The following PCDHGA2 variants were observed in gnomAD, a reference collection of about 807,000 sequenced individuals.
PCDHGA2 encodes the protein protocadherin gamma-A2.
In PCDHGA2, 40 loss-of-function variants were observed where a neutral mutation model predicts 59.2. The observed-to-expected ratio is 0.68, with a 90% CI of 0.52 to 0.88. The LOEUF is 0.88. Among genes scored for constraint, PCDHGA2 ranks in the 40% least tolerant of loss-of-function variants. The probability of loss-of-function intolerance (pLI) is 0.00; values close to 1 mark genes in which losing one functional copy is unlikely to be tolerated. For synonymous variants in PCDHGA2, 560 were observed against 526.0 expected (o/e 1.06, Z -0.89); for missense variants, 1,226 against 1,204.0 (o/e 1.02, Z -0.27).
At chr5:141,427,400 A>T in intron 1 of PCDHGA2, 1 of 461,200 alleles carries the variant, frequency 2.2e-6, no homozygotes, top group Non-Finnish European at 4.3e-6. Context: ...CACATGATAA[A>T]GATTCGAGAG....
chr5:141,509,699 C>T (rs779592471), intron 3 of PCDHGA2, among the ~76,000 whole-genome samples: 4 of 152,168 alleles, frequency 2.6e-5, no homozygotes, highest in Non-Finnish European at 5.9e-5. Flanking sequence ...GGACGTTGGA[C>T]TGGAGGTGCT....
chr5:141,456,641 G>A (rs2098873674), intron 1 of PCDHGA2, among the ~76,000 whole-genome samples: 1 of 152,160 alleles, frequency 6.6e-6, no homozygotes, highest in South Asian at 2.1e-4. Context: ...TACTACAGGT[G>A]TTAATCCCAA....
intron 1 of PCDHGA2, chr5:141,391,245 G>A (rs1324945676): frequency 6.6e-6 from 1 of 151,892 alleles, no homozygotes; most frequent in African/African-American, 2.4e-5. Flanking sequence ...GTATATCTAA[G>A]CAACTGCTTC....
Position 141,477,203 on chromosome 5 carries a change from G to A in PCDHGA2, c.2425-17604G>A. The A allele has an allele frequency of 6.2e-7, 1 of 1,614,176 alleles. No individual in the cohort carries two copies. The highest frequency in any genetic ancestry group is 8.5e-7 in the Non-Finnish European group (1 of 1,180,050). ...CACCTCCGTGTACAGCCCAGTACCC[G>A]AGGATGCCCCTCTGGGGACTGTCAT... On this transcript the variant is annotated intron_variant, in intron 1 of 3. Coordinates refer to ENST00000394576, the MANE Select transcript of PCDHGA2 (RefSeq NM_018915.4). This position sits in a 1 kb window ranked among gnomAD's most constrained non-coding sequence, Gnocchi z 4.9.
intron 1 of PCDHGA2, chr5:141,374,142 TG>T (rs1770186580): frequency 6.2e-7 from 1 of 1,610,196 alleles, no homozygotes; most frequent in Non-Finnish European, 8.5e-7. Flanking sequence ...CTCACGCTCC[TG>T]GGGACGCTGT....
At chr5:141,467,055 C>CTTTTTTTTTTTT (rs1193465269) in intron 1 of PCDHGA2, among the ~76,000 whole-genome samples, 1 of 134,498 alleles carries the variant, frequency 7.4e-6, no homozygotes. Context: ...TCAATGTTTT[C>CTTTTTTTTTTTT]TTTTTTTTTT....
At chr5:141,366,097 C>G in intron 1 of PCDHGA2, 2 of 1,614,240 alleles carry the variant, frequency 1.2e-6, no homozygotes, top group African/African-American at 1.3e-5. Flanking sequence ...ACCTGGTGAC[C>G]AAGGTGGTAG....
chr5:141,401,587 T>C (rs1455949609), intron 1 of PCDHGA2, among the ~76,000 whole-genome samples: 3 of 152,226 alleles, frequency 2.0e-5, no homozygotes, highest in Non-Finnish European at 2.9e-5. Context: ...TCCTGACATA[T>C]TCTTGAAGAA....
At position 141,490,502 on chromosome 5, in the gene PCDHGA2, T is replaced by C. The variant is rs1408615048; in HGVS notation, c.2425-4305T>C. On this transcript the variant is annotated intron_variant, in intron 1 of 3. Transcript: ENST00000394576. The surrounding 1 kb of genome is among the most constrained non-coding windows in gnomAD (Gnocchi z 5.4). Reference sequence around the variant, plus strand: ...GACCGGGAGGCCACATCCCACTATATCATCGAGCTGCTGGCCAGCGATGCT... The same window carrying C: ...GACCGGGAGGCCACATCCCACTATACCATCGAGCTGCTGGCCAGCGATGCT... 1.2e-6 allele frequency: 2 copies of C among 1,614,094 alleles called. No individual in the cohort carries two copies. The highest frequency in any genetic ancestry group is 1.1e-5 in the South Asian group (1 of 91,076).
intron 1 of PCDHGA2, chr5:141,378,812 C>A (rs1775174310): frequency 6.6e-6 from 1 of 152,148 alleles, no homozygotes; most frequent in Admixed American, 6.5e-5. Flanking sequence ...CAAACAGAAT[C>A]ATTGTTTCAT....
chr5:141,478,418 C>T, intron 1 of PCDHGA2: 1 of 1,613,650 alleles, frequency 6.2e-7, no homozygotes, highest in Non-Finnish European at 8.5e-7. Context: ...GGACTCCCGC[C>T]GCAGCGACCC....
At position 141,389,566 on chromosome 5, in the gene PCDHGA2, T is replaced by A. The variant is rs757362223; in HGVS notation, c.2424+48171T>A. On this transcript the variant is annotated intron_variant, in intron 1 of 3. Transcript: ENST00000394576. ...CGCAACGACAATGCGCCACGGGTGC[T>A]GTACCCCGCGCTGGGTCCCGACGGC... The A allele has an allele frequency of 3.2e-5, 52 of 1,613,278 alleles. No homozygotes were observed. The Middle Eastern group carries it at 6.6e-4, about 21-fold the overall frequency.
chr5:141,465,893 C>T (rs926928579), intron 1 of PCDHGA2, among the ~76,000 whole-genome samples: 23 of 152,078 alleles, frequency 1.5e-4, no homozygotes, highest in Middle Eastern at 3.4e-3. Context: ...GAGGCCGAGG[C>T]GGGCAAATCA....
chr5:141,393,170 A>G (rs746908655), intron 1 of PCDHGA2: 1 of 1,613,286 alleles, frequency 6.2e-7, no homozygotes, highest in South Asian at 1.1e-5. Context: ...TCTTTGGGGT[A>G]GAAATAGAAA....
rs745698097 is a variant in PCDHGA2 at position 141,389,267 on chromosome 5, G to C, written c.2424+47872G>C. The C allele has an allele frequency of 3.0e-5, 48 of 1,613,890 alleles. No individual in the cohort carries two copies. The highest frequency in any genetic ancestry group is 4.0e-5 in the Non-Finnish European group (47 of 1,179,898). On this transcript the variant is annotated intron_variant, in intron 1 of 3. Coordinates refer to ENST00000394576, the MANE Select transcript of PCDHGA2 (RefSeq NM_018915.4). ...CTTCCTATATAGTCCACGTGGCCGA[G>C]AACAACCCGCCTGGAGCCTCTATTT...
chr5:141,430,643 T>G (rs1432236231), intron 1 of PCDHGA2: 16 of 946,950 alleles, frequency 1.7e-5, no homozygotes, highest in South Asian at 2.5e-5. Flanking sequence ...CCTGGGAGTA[T>G]GTGGAAACAA....
chr5:141,409,624 G>C lies in PCDHGA2; in HGVS notation c.2424+68229G>C, dbSNP rs747166507. 11 of 1,613,728 alleles carry C rather than the reference G, an allele frequency of 6.8e-6. No homozygotes were observed. The South Asian group carries it at 8.8e-5, about 13-fold the overall frequency. On this transcript the variant is annotated intron_variant, in intron 1 of 3. Transcript: ENST00000394576. The stretch of plus-strand genomic sequence containing the variant: ...CGCCAGGAGCCTCCATTGCGCAAGT[G>C]AGCGCCTCTGACCCGGATTTGGGGC...
rs777288812 is a variant in PCDHGA2 at position 141,487,236 on chromosome 5, G to A, written c.2425-7571G>A. The A allele has an allele frequency of 1.7e-5, 28 of 1,613,962 alleles. No homozygotes were observed. The highest frequency in any genetic ancestry group is 1.4e-4 in the South Asian group (13 of 91,070). On this transcript the variant is annotated intron_variant, in intron 1 of 3. Coordinates refer to ENST00000394576, the MANE Select transcript of PCDHGA2 (RefSeq NM_018915.4). This position sits in a 1 kb window ranked among gnomAD's most constrained non-coding sequence, Gnocchi z 5.0. ...TCAGCTCCAAGGGAAGGAGAATCTC[G>A]TCTAACCCTCTACTTGGCTGTGTCC... is the stretch of plus-strand genomic sequence containing the variant.
chr5:141,438,627 T>TAC (rs2098030812), intron 1 of PCDHGA2, among the ~76,000 whole-genome samples: 3 of 48,012 alleles, frequency 6.2e-5, no homozygotes, highest in Non-Finnish European at 1.0e-4. Flanking sequence ...TATATATATA[T>TAC]ATATATATAC....
Sources: gnomAD v4.1 joint callset for allele counts (sites outside exome capture counted in the v4.1 genomes callset) on GRCh38, gnomAD v4.1.1 for gene constraint, Gnocchi (gnomAD v3.1) non-coding constraint, MANE v1.5 for transcripts, NCBI Gene and HGNC (gene_info 2026-07-23, HGNC 2026-07-21) for gene names.